The following CTNNA3 variants were observed in gnomAD, a reference collection of about 807,000 sequenced individuals.
CTNNA3 encodes catenin alpha-3.
In CTNNA3, 76 loss-of-function variants were observed where a neutral mutation model predicts 95.7. That is an observed-to-expected ratio of 0.79 (90% CI 0.66 to 0.96). The LOEUF (loss-of-function observed/expected upper bound fraction) is 0.96, where lower values mean the gene tolerates loss of function less well. Ranked by LOEUF, CTNNA3 falls within the 40% of genes least tolerant of loss-of-function variation. The pLI, the probability that CTNNA3 is intolerant of heterozygous loss-of-function variation, is 0.00. For synonymous variants in CTNNA3, 431 were observed against 374.4 expected (o/e 1.15, Z -1.74); for missense variants, 1,191 against 1,089.8 (o/e 1.09, Z -1.31).
chr10:66,160,630 C>T (rs184237777), intron 13 of CTNNA3, among the ~76,000 whole-genome samples: 12 of 152,010 alleles, frequency 7.9e-5, no homozygotes, highest in East Asian at 7.7e-4. Context: ...AAGTTTCATG[C>T]GCTGTTGAAT....
At position 66,648,317 on chromosome 10, in the gene CTNNA3, C is replaced by T. The variant is rs566300722; in HGVS notation, c.1282-26533G>A. 3.9e-5 allele frequency among the ~76,000 whole-genome samples: 6 copies of T among 152,114 alleles called. 1 individual carries two copies. In the South Asian group the frequency reaches 8.3e-4, roughly 21 times the overall value. On this transcript the variant is annotated intron_variant, in intron 9 of 17. Transcript: ENST00000433211. ...AAAGGGCATTAGGAAAATCACTCTG[C>T]GGGAAATCACTCTGGCCCGCCATGG...
chr10:66,730,685 G>T (rs1848932952), intron 9 of CTNNA3, among the ~76,000 whole-genome samples: 2 of 152,260 alleles, frequency 1.3e-5, no homozygotes, highest in African/African-American at 4.8e-5. Context: ...AAAAACCAGA[G>T]TGATCTTTTA....
chr10:66,231,830 C>A (rs1490234040), intron 13 of CTNNA3, among the ~76,000 whole-genome samples: 3 of 152,168 alleles, frequency 2.0e-5, no homozygotes, highest in Admixed American at 6.5e-5. Flanking sequence ...AGAAAGCTGA[C>A]AGTTTCACAA....
chr10:66,029,278 C>G (rs1009926735), intron 15 of CTNNA3, among the ~76,000 whole-genome samples: 1 of 152,072 alleles, frequency 6.6e-6, no homozygotes, highest in Non-Finnish European at 1.5e-5. Context: ...GCTCAACCCC[C>G]GAAATGCTCC....
chr10:67,726,376 ATATATG>A, intron 1 of CTNNA3, among the ~76,000 whole-genome samples: 1 of 67,988 alleles, frequency 1.5e-5, no homozygotes, highest in Non-Finnish European at 2.5e-5. Flanking sequence ...ATATGATATT[ATATATG>A]AAATTATATA....
Position 66,549,622 on chromosome 10 carries a change from T to C in CTNNA3, c.1375-28849A>G, listed in dbSNP as rs188039720. ...TTTCTTATATAAGCATTTAAAGCTATGAATTTGCTGCTAAGCATTACCTTA... is the reference window on the plus strand; with the variant it reads ...TTTCTTATATAAGCATTTAAAGCTACGAATTTGCTGCTAAGCATTACCTTA... On this transcript the variant is annotated intron_variant, in intron 10 of 17. Coordinates refer to ENST00000433211, the MANE Select transcript of CTNNA3 (RefSeq NM_013266.4). 1.7e-3 allele frequency among the ~76,000 whole-genome samples: 259 copies of C among 152,320 alleles called. 6 individuals carry two copies. The highest frequency in any genetic ancestry group is 6.8e-3 in the Middle Eastern group (2 of 294).
chr10:66,287,279 A>AT (rs2091604302), intron 12 of CTNNA3, among the ~76,000 whole-genome samples: 1 of 152,104 alleles, frequency 6.6e-6, no homozygotes. Flanking sequence ...TGGGTAACAG[A>AT]ATGAGAGCCC....
At chr10:66,616,711 T>G (rs969781856) in intron 10 of CTNNA3, among the ~76,000 whole-genome samples, 2 of 151,994 alleles carry the variant, frequency 1.3e-5, no homozygotes, top group Non-Finnish European at 2.9e-5. Context: ...ACTTAACAAA[T>G]AGAAACTCAG....
At chr10:66,153,902 C>T (rs960954144) in intron 13 of CTNNA3, among the ~76,000 whole-genome samples, 2 of 150,666 alleles carry the variant, frequency 1.3e-5, no homozygotes, top group South Asian at 4.2e-4. Flanking sequence ...ATAAATTATA[C>T]ATAATAAGTT....
chr10:66,317,129 A>G lies in CTNNA3; in HGVS notation c.1733-36508T>C, dbSNP rs1295780010. ...ATTTTGTTAACATAGTCTAATGATC[A>G]GTTAGACAATAAGATAAAATACAAA... is the stretch of plus-strand genomic sequence containing the variant. On this transcript the variant is annotated intron_variant, in intron 12 of 17. Transcript: ENST00000433211. Among the ~76,000 whole-genome samples, 5 of 152,296 alleles carry G rather than the reference A, an allele frequency of 3.3e-5. No homozygotes were observed. In the South Asian group the frequency reaches 6.2e-4, roughly 19 times the overall value.
At chr10:66,280,955 C>A (rs2091481316) in intron 12 of CTNNA3, among the ~76,000 whole-genome samples, 1 of 151,726 alleles carries the variant, frequency 6.6e-6, no homozygotes, top group Admixed American at 6.6e-5. Context: ...AATCATTTCT[C>A]ATCCTATTCA....
chr10:66,948,741 G>C (rs949085407), intron 7 of CTNNA3, among the ~76,000 whole-genome samples: 29 of 152,138 alleles, frequency 1.9e-4, no homozygotes, highest in African/African-American at 6.3e-4. Flanking sequence ...ATAACAATCT[G>C]TTATTTGCTC....
upstream of CTNNA3, among the ~76,000 whole-genome samples, chr10:67,698,801 T>C (rs1321200931): frequency 6.6e-6 from 1 of 151,974 alleles, no homozygotes; most frequent in African/African-American, 2.4e-5. Flanking sequence ...TTTAGGTGAA[T>C]CTAAATGAAT....
intron 7 of CTNNA3, among the ~76,000 whole-genome samples, chr10:66,932,004 T>C (rs1302501871): frequency 2.6e-5 from 4 of 152,166 alleles, no homozygotes; most frequent in Non-Finnish European, 4.4e-5. Flanking sequence ...TGGTCAGGGA[T>C]ATGTCAAAGG....
At chr10:65,953,746 T>C (rs181824232) in intron 17 of CTNNA3, among the ~76,000 whole-genome samples, 52 of 152,338 alleles carry the variant, frequency 3.4e-4, no homozygotes, top group African/African-American at 1.2e-3. Flanking sequence ...TAGTATTCCA[T>C]GGTGTATATG....
chr10:66,463,941 T>C (rs1409444032), intron 11 of CTNNA3, among the ~76,000 whole-genome samples: 1 of 151,404 alleles, frequency 6.6e-6, no homozygotes, highest in East Asian at 1.9e-4. Context: ...TCAAAGACAG[T>C]AGGGAAGAGG....
chr10:66,860,119 A>G (rs1843856191), intron 7 of CTNNA3, among the ~76,000 whole-genome samples: 1 of 150,866 alleles, frequency 6.6e-6, no homozygotes, highest in African/African-American at 2.4e-5. Flanking sequence ...ATACATATGT[A>G]ACTAACCTGC....
chr10:66,895,074 A>G (rs1845427352), intron 7 of CTNNA3, among the ~76,000 whole-genome samples: 1 of 141,470 alleles, frequency 7.1e-6, no homozygotes, highest in Non-Finnish European at 1.6e-5. Flanking sequence ...AAAAAAAAAG[A>G]AAGTGTCCTA....
At chr10:66,914,831 T>G (rs904238294) in intron 7 of CTNNA3, among the ~76,000 whole-genome samples, 1 of 152,190 alleles carries the variant, frequency 6.6e-6, no homozygotes, top group Non-Finnish European at 1.5e-5. Context: ...CACATGAATG[T>G]TTCTTTATTT....
Sources: allele counts gnomAD v4.1 joint callset (sites outside exome capture counted in the v4.1 genomes callset), GRCh38; gene constraint gnomAD v4.1.1; transcripts MANE v1.5; gene names NCBI Gene and HGNC (gene_info 2026-07-23, HGNC 2026-07-21).